BAALC: variants seen among roughly 807,000 people sequenced by gnomAD.
The protein encoded by BAALC is BAALC binder of MAP3K1 and KLF4, also known as brain and acute leukemia cytoplasmic protein.
In BAALC, 9 loss-of-function variants were observed where a neutral mutation model predicts 15.5. The observed-to-expected ratio is 0.58, with a 90% CI of 0.35 to 1.02. The LOEUF (loss-of-function observed/expected upper bound fraction) is 1.02. BAALC is among the 50% of genes least tolerant of loss of function. BAALC has a pLI of 0.02. For synonymous variants in BAALC, 80 were observed against 74.6 expected, an observed-to-expected ratio of 1.07 and a Z score of -0.37; for missense variants, 201 against 192.4, an observed-to-expected ratio of 1.04 and a Z score of -0.27.
intron 1 of BAALC, among the ~76,000 whole-genome samples, chr8:103,190,044 G>A (rs1370011073): frequency 6.6e-6 from 1 of 152,220 alleles, no homozygotes; most frequent in African/African-American, 2.4e-5. Context: ...GCAGGGATTC[G>A]TGTCAGACGT....
intron 2 of BAALC, among the ~76,000 whole-genome samples, chr8:103,221,884 G>T (rs1011575505): frequency 6.6e-5 from 10 of 152,156 alleles, no homozygotes; most frequent in Admixed American, 3.3e-4. Flanking sequence ...GCCCTCAGGA[G>T]ATCCTGAGAG....
chr8:103,154,824 T>C (rs1394081979), intron 1 of BAALC: 4 of 154,376 alleles, frequency 2.6e-5, no homozygotes, highest in African/African-American at 4.8e-5. Context: ...TGTATACTCT[T>C]AAAGACAGAG....
intron 1 of BAALC, among the ~76,000 whole-genome samples, chr8:103,149,017 G>A (rs913766470): frequency 6.6e-6 from 1 of 152,128 alleles, no homozygotes; most frequent in Admixed American, 6.5e-5. Context: ...CTCATCACTT[G>A]CCAGATGAGG....
intron 1 of BAALC, among the ~76,000 whole-genome samples, chr8:103,171,630 CAA>C (rs956325618): frequency 6.6e-6 from 1 of 152,084 alleles, no homozygotes; most frequent in African/African-American, 2.4e-5. Context: ...TAGCTTTTCC[CAA>C]AGAGCTAGAA....
intron 1 of BAALC, among the ~76,000 whole-genome samples, chr8:103,208,800 T>TGCTTCCCTGCTGCCCTCCTC (rs1812386755): frequency 2.0e-5 from 3 of 152,170 alleles, no homozygotes; most frequent in Admixed American, 2.0e-4. Context: ...GGCCTCTCCT[T>TGCTTCCCTGCTGCCCTCCTC]GCTTCCCTGC....
chr8:103,162,944 C>T (rs1811261948), intron 1 of BAALC, among the ~76,000 whole-genome samples: 1 of 152,122 alleles, frequency 6.6e-6, no homozygotes, highest in Admixed American at 6.6e-5. Context: ...TGGGGAGAAG[C>T]AAATGGGTCC....
At chr8:103,181,978 G>A (rs753675296) in intron 1 of BAALC, among the ~76,000 whole-genome samples, 8 of 152,114 alleles carry the variant, frequency 5.3e-5, no homozygotes, top group Middle Eastern at 3.2e-3. Flanking sequence ...TTGCAGTGTC[G>A]TTCTGGGGCT....
Position 103,140,778 on chromosome 8 carries a change from G to GA in BAALC, c.-119dup. On this transcript the variant is annotated 5_prime_UTR_variant, in exon 1 of 3. Coordinates refer to ENST00000309982, the MANE Select transcript of BAALC (RefSeq NM_024812.3). The surrounding 1 kb of genome is among the most constrained non-coding windows in gnomAD (Gnocchi z 4.2). ...CTCCGCGCGGCTGCAGCGCGGGCGGGAGCGGGGACGCGATGTCGCCGCCGC... is the reference window on the plus strand; with the variant it reads ...CTCCGCGCGGCTGCAGCGCGGGCGGGAAGCGGGGACGCGATGTCGCCGCCGC... 1.1e-6 allele frequency: 1 copy of GA among 922,130 alleles called. No individual in the cohort carries two copies. Among genetic ancestry groups the GA allele is most frequent in the Non-Finnish European group, 1.4e-6 (1 of 718,936 alleles). The allele number at this position is 922,130 out of a possible 1,614,324, so 57.1% of individuals were successfully genotyped here. A position where few individuals can be genotyped will look rare whatever the true frequency, so the allele number is the denominator to read the frequency against.
chr8:103,194,067 A>G (rs1242849070), intron 1 of BAALC, among the ~76,000 whole-genome samples: 4 of 151,668 alleles, frequency 2.6e-5, no homozygotes, highest in African/African-American at 9.7e-5. Context: ...TTTTCTTTTG[A>G]TGCAAAGAAA....
Position 103,228,736 on chromosome 8 carries a change from T to C in BAALC, c.*637T>C, listed in dbSNP as rs1022057447. 2 of 152,322 alleles carry C rather than the reference T, an allele frequency of 1.3e-5. No individual in the cohort carries two copies. Among genetic ancestry groups the C allele is most frequent in the African/African-American group, 4.8e-5 (2 of 41,456 alleles). The allele number at this position is 152,322 out of a possible 1,614,324, so 9.4% of individuals were successfully genotyped here. Reference sequence around the variant, plus strand: ...ATGGCATGTCTTTGGGAGGTGTCTGTGAAGCAGTCATACCTGCTCCTCATC... The same window carrying C: ...ATGGCATGTCTTTGGGAGGTGTCTGCGAAGCAGTCATACCTGCTCCTCATC... On this transcript the variant is annotated 3_prime_UTR_variant, in exon 3 of 3. Transcript: ENST00000309982.
At chr8:103,209,415 G>A (rs1812401052) in intron 1 of BAALC, among the ~76,000 whole-genome samples, 2 of 152,100 alleles carry the variant, frequency 1.3e-5, no homozygotes, top group Admixed American at 1.3e-4. Flanking sequence ...GGGGGAGACA[G>A]CAAGCAAAGG....
At chr8:103,200,561 G>C (rs1563651707) in intron 1 of BAALC, 1 of 459,908 alleles carries the variant, frequency 2.2e-6, no homozygotes, top group Non-Finnish European at 3.9e-6. Context: ...TTCAACCAAA[G>C]AGTAAAAGAC....
intron 1 of BAALC, among the ~76,000 whole-genome samples, chr8:103,211,373 T>G (rs939061170): frequency 3.3e-5 from 5 of 152,226 alleles, no homozygotes; most frequent in African/African-American, 1.2e-4. Flanking sequence ...ATTCAGCTTC[T>G]CTATTGAGGG....
intron 2 of BAALC, among the ~76,000 whole-genome samples, chr8:103,216,462 CTTA>C (rs899911247): frequency 4.6e-5 from 7 of 152,084 alleles, no homozygotes; most frequent in Non-Finnish European, 1.0e-4. Flanking sequence ...GTAGCAACTA[CTTA>C]TTAATTAATT....
chr8:103,213,339 G>T (rs1812493919), intron 2 of BAALC: 1 of 395,672 alleles, frequency 2.5e-6, no homozygotes, highest in Admixed American at 3.7e-5. Context: ...TGTTTTCTGT[G>T]GCCACTGTCA....
chr8:103,178,862 CAA>C (rs34211860), intron 1 of BAALC, among the ~76,000 whole-genome samples: 11 of 101,720 alleles, frequency 1.1e-4, no homozygotes, highest in African/African-American at 3.8e-4. Context: ...GACTCTGTCT[CAA>C]AAAAAAAAAA....
chr8:103,209,970 ACCAAAT>A (rs1454577248), intron 1 of BAALC, among the ~76,000 whole-genome samples: 1 of 152,158 alleles, frequency 6.6e-6, no homozygotes, highest in Non-Finnish European at 1.5e-5. Context: ...TCTGAATGAC[ACCAAAT>A]CCAAATCCAC....
intron 2 of BAALC, among the ~76,000 whole-genome samples, chr8:103,226,326 T>G (rs1812806163): frequency 6.6e-6 from 1 of 152,210 alleles, no homozygotes; most frequent in Non-Finnish European, 1.5e-5. Flanking sequence ...AGGGCCCAAA[T>G]GGTCAGACCT....
intron 1 of BAALC, among the ~76,000 whole-genome samples, chr8:103,165,040 A>G (rs1811313939): frequency 6.6e-6 from 1 of 152,164 alleles, no homozygotes; most frequent in South Asian, 2.1e-4. Flanking sequence ...TTGGTTTCAA[A>G]ACTGTGGGAT....
Sources: allele counts gnomAD v4.1 joint callset (sites outside exome capture counted in the v4.1 genomes callset), GRCh38; gene constraint gnomAD v4.1.1; non-coding constraint Gnocchi (gnomAD v3.1); transcripts MANE v1.5; gene names NCBI Gene and HGNC (gene_info 2026-07-23, HGNC 2026-07-21).